CACNG5: variants seen among roughly 807,000 people sequenced by gnomAD.
CACNG5 encodes the protein voltage-dependent calcium channel gamma-5 subunit.
CACNG5 carries 18 observed loss-of-function variants against 24.8 expected under a neutral mutation model. The observed-to-expected ratio is 0.73, with a 90% confidence interval of 0.50 to 1.08. The LOEUF (loss-of-function observed/expected upper bound fraction) is 1.08, where lower values mean the gene tolerates loss of function less well. Among genes scored for constraint, CACNG5 ranks in the 50% least tolerant of loss-of-function variants. CACNG5 has a pLI of 0.00. For synonymous variants in CACNG5, 157 were observed against 149.1 expected, an observed-to-expected ratio of 1.05 and a Z score of -0.39; for missense variants, 349 against 367.9, an observed-to-expected ratio of 0.95 and a Z score of 0.42.
In CACNG5 at chr17:66,836,113, C is replaced by G. The variant is rs374934234; in HGVS notation, c.-104+863C>G. Among the ~76,000 whole-genome samples, 577 of 152,260 alleles carry G rather than the reference C, an allele frequency of 3.8e-3. 6 individuals are homozygous for G. The highest frequency in any genetic ancestry group is 0.012 in the African/African-American group (512 of 41,548). On this transcript the variant is annotated intron_variant, in intron 1 of 5. Coordinates refer to ENST00000533854, the MANE Select transcript of CACNG5 (RefSeq NM_145811.3). ...CTGACTAGCTTCTCCAGGGCTGCCC[C>G]GGGGCTGCCTCCGGTACCTGCCAGG... is the stretch of plus-strand genomic sequence containing the variant.
chr17:66,836,138 G>C (rs1328624502), intron 1 of CACNG5, among the ~76,000 whole-genome samples: 2 of 152,182 alleles, frequency 1.3e-5, no homozygotes, highest in East Asian at 3.9e-4. Context: ...TACCTGCCAG[G>C]CACGCCGGTG....
intron 1 of CACNG5, among the ~76,000 whole-genome samples, chr17:66,838,772 C>T (rs1976519250): frequency 6.6e-6 from 1 of 151,976 alleles, no homozygotes; most frequent in South Asian, 2.1e-4. Flanking sequence ...ATTTATTGAG[C>T]ACCTGCTATG....
intron 1 of CACNG5, among the ~76,000 whole-genome samples, chr17:66,867,120 T>C (rs1976940373): frequency 6.6e-6 from 1 of 152,180 alleles, no homozygotes; most frequent in Non-Finnish European, 1.5e-5. Context: ...TACATAGCCT[T>C]GCCAGCATCT....
Position 66,885,118 on chromosome 17 carries a change from G to T in CACNG5, c.706G>T (p.Ala236Ser), listed in dbSNP as rs774617037. Residue 236 changes from alanine to serine, a missense_variant, in exon 6 of 6, where the codon GCC becomes TCC. Ala to Ser is a moderately conservative substitution (Grantham distance 99). Coordinates refer to ENST00000533854, the MANE Select transcript of CACNG5 (RefSeq NM_145811.3). ...CTCAGGCCAGTTCCTACACCCAGAC[G>T]CCTGGGTCAGGGGCCGCAGCCCCTC... ...DYSGQFLHPD[A>S]WVRGRSPSDI... 6.2e-7 allele frequency: 1 copy of T among 1,614,074 alleles called. No homozygotes were observed. The highest frequency in any genetic ancestry group is 2.2e-5 in the East Asian group (1 of 44,884).
At chr17:66,880,514 A>C in intron 3 of CACNG5, 43 bp from the exon 4 acceptor site, 1 of 1,612,254 alleles carries the variant, frequency 6.2e-7, no homozygotes, top group East Asian at 2.2e-5. Flanking sequence ...GGAATGAATC[A>C]GGCCTGGAGG....
At chr17:66,858,502 C>T (rs1282011700) in intron 1 of CACNG5, among the ~76,000 whole-genome samples, 2 of 152,180 alleles carry the variant, frequency 1.3e-5, no homozygotes, top group Non-Finnish European at 2.9e-5. Context: ...CCACGCTCTC[C>T]CCAGCACCTC....
intron 1 of CACNG5, among the ~76,000 whole-genome samples, chr17:66,842,180 G>A (rs189224290): frequency 5.7e-4 from 87 of 152,186 alleles, no homozygotes; most frequent in Non-Finnish European, 7.5e-4. Flanking sequence ...GTGATCCCAC[G>A]GTGGGGGAGT....
chr17:66,862,334 A>T (rs1460835306), intron 1 of CACNG5, among the ~76,000 whole-genome samples: 1 of 152,056 alleles, frequency 6.6e-6, no homozygotes, highest in Non-Finnish European at 1.5e-5. Flanking sequence ...TGGGGGCTAC[A>T]CACGCCCAGC....
In CACNG5 at chr17:66,888,416, A is replaced by C. The variant is rs895987460; in HGVS notation, c.*3176A>C. ...AAAATTAGCTGGGCGTGGTGGTGGG[A>C]GCCTGTAGTCCCAGCTACTTGGGAG... On this transcript the variant is annotated 3_prime_UTR_variant, in exon 6 of 6. Coordinates refer to ENST00000533854, the MANE Select transcript of CACNG5 (RefSeq NM_145811.3). Among the ~76,000 whole-genome samples the C allele has an allele frequency of 1.3e-5, 2 of 151,052 alleles. No individual in the cohort carries two copies. Among genetic ancestry groups the C allele is most frequent in the Admixed American group, 6.6e-5 (1 of 15,134 alleles).
chr17:66,840,107 C>T (rs370312554), intron 1 of CACNG5, among the ~76,000 whole-genome samples: 2 of 152,282 alleles, frequency 1.3e-5, no homozygotes, highest in Non-Finnish European at 2.9e-5. Context: ...CGGTGATCTC[C>T]GCTTTGCGGG....
intron 1 of CACNG5, among the ~76,000 whole-genome samples, chr17:66,837,748 G>C (rs545016205): frequency 1.6e-4 from 24 of 152,224 alleles, no homozygotes; most frequent in Non-Finnish European, 2.9e-4. Context: ...GCAGAACAGA[G>C]AGGAGGGAAA....
At chr17:66,869,938 C>A (rs1003316296) in intron 1 of CACNG5, among the ~76,000 whole-genome samples, 1 of 151,934 alleles carries the variant, frequency 6.6e-6, no homozygotes, top group Admixed American at 6.6e-5. Flanking sequence ...AAAAACTTAG[C>A]GGGGCGTGGT....
intron 2 of CACNG5, among the ~76,000 whole-genome samples, chr17:66,877,817 A>G (rs1282140885): frequency 6.6e-6 from 1 of 152,206 alleles, no homozygotes; most frequent in African/African-American, 2.4e-5. Flanking sequence ...CTGGATGCCA[A>G]TGACACTGCA....
At chr17:66,850,145 C>T (rs1432580500) in intron 1 of CACNG5, among the ~76,000 whole-genome samples, 1 of 152,224 alleles carries the variant, frequency 6.6e-6, no homozygotes, top group Non-Finnish European at 1.5e-5. Context: ...CCACCCCAGC[C>T]TGTCTTCCTG....
intron 1 of CACNG5, among the ~76,000 whole-genome samples, chr17:66,852,699 C>A (rs1431030694): frequency 6.6e-6 from 1 of 152,110 alleles, no homozygotes; most frequent in Non-Finnish European, 1.5e-5. Context: ...TGCCTCTTTG[C>A]AGCTAATGCC....
rs1358373987 is a variant in CACNG5, at chr17:66,885,531, C to A, written c.*291C>A. Reference sequence around the variant, plus strand: ...GGCTCCAGGAAGCCAGCAGCTCCCCCCAAGCCCAGGAGACACCGATGTTCC... The same window carrying A: ...GGCTCCAGGAAGCCAGCAGCTCCCCACAAGCCCAGGAGACACCGATGTTCC... On this transcript the variant is annotated 3_prime_UTR_variant, in exon 6 of 6. Coordinates refer to ENST00000533854, the MANE Select transcript of CACNG5 (RefSeq NM_145811.3). 4.0e-5 allele frequency: 17 copies of A among 430,278 alleles called. No homozygotes were observed. Among genetic ancestry groups the A allele is most frequent in the East Asian group, 3.0e-4 (8 of 26,352 alleles). The allele number at this position is 430,278 out of a possible 1,614,324, so 26.7% of individuals were successfully genotyped here. A position where few individuals can be genotyped will look rare whatever the true frequency, so the allele number is the denominator to read the frequency against.
rs182054264 is a variant in CACNG5, at chr17:66,871,843, G to A, written c.-103-5387G>A. Among the ~76,000 whole-genome samples, 4 of 152,250 alleles carry A rather than the reference G, an allele frequency of 2.6e-5. No individual in the cohort carries two copies. The East Asian group carries it at 7.7e-4, about 29-fold the overall frequency. Reference sequence around the variant, plus strand: ...CCACGGCATTCCAGCCTGGGTGACAGAGCGAGACTCCATCTCAAAAAGAAA... The same window carrying A: ...CCACGGCATTCCAGCCTGGGTGACAAAGCGAGACTCCATCTCAAAAAGAAA... On this transcript the variant is annotated intron_variant, in intron 1 of 5. Coordinates refer to ENST00000533854, the MANE Select transcript of CACNG5 (RefSeq NM_145811.3).
intron 1 of CACNG5, among the ~76,000 whole-genome samples, chr17:66,855,778 T>G (rs1309933465): frequency 6.6e-6 from 1 of 152,164 alleles, no homozygotes; most frequent in Non-Finnish European, 1.5e-5. Context: ...ATTACAGGCG[T>G]GAGCCACCGC....
intron 4 of CACNG5, among the ~76,000 whole-genome samples, chr17:66,882,739 A>AGATG (rs1384602081): frequency 1.3e-5 from 2 of 152,082 alleles, no homozygotes; most frequent in Non-Finnish European, 2.9e-5. Context: ...AATAATTGAT[A>AGATG]GATGGATGGA....
Sources: allele counts gnomAD v4.1 joint callset (sites outside exome capture counted in the v4.1 genomes callset), GRCh38; gene constraint gnomAD v4.1.1; transcripts MANE v1.5; gene names NCBI Gene and HGNC (gene_info 2026-07-23, HGNC 2026-07-21).